PTPRK: variants seen among roughly 807,000 people sequenced by gnomAD.
PTPRK encodes receptor-type tyrosine-protein phosphatase kappa.
PTPRK carries 75 observed loss-of-function variants against 178.0 expected under a neutral mutation model. That is an observed-to-expected ratio of 0.42 (90% CI 0.35 to 0.51). PTPRK has a LOEUF of 0.51. PTPRK is among the 20% of genes least tolerant of loss of function. PTPRK has a pLI of 0.02. For synonymous variants in PTPRK, 637 were observed against 620.6 expected, an observed-to-expected ratio of 1.03 and a Z score of -0.39; for missense variants, 1,441 against 1,797.8, an observed-to-expected ratio of 0.80 and a Z score of 3.59.
chr6:128,210,780 T>C lies in PTPRK; in HGVS notation c.868+8142A>G, dbSNP rs527268177. ...TGAGAGTAGCCATGGTATCTCCATATGTATAAAAAAGACTAATGAAAATCC... is the reference window on the plus strand; with the variant it reads ...TGAGAGTAGCCATGGTATCTCCATACGTATAAAAAAGACTAATGAAAATCC... On this transcript the variant is annotated intron_variant, in intron 6 of 29. Transcript: ENST00000368226. 9.9e-5 allele frequency among the ~76,000 whole-genome samples: 15 copies of C among 152,172 alleles called. No individual in the cohort carries two copies. The East Asian group carries it at 1.9e-3, about 20-fold the overall frequency.
intron 2 of PTPRK, among the ~76,000 whole-genome samples, chr6:128,368,051 C>T (rs1343036975): frequency 6.6e-6 from 1 of 152,118 alleles, no homozygotes; most frequent in Non-Finnish European, 1.5e-5. Flanking sequence ...GCACAGATGT[C>T]CTCTCATTCC....
intron 6 of PTPRK, among the ~76,000 whole-genome samples, chr6:128,218,184 A>C (rs1297123179): frequency 2.0e-5 from 3 of 152,210 alleles, no homozygotes; most frequent in Non-Finnish European, 4.4e-5. Context: ...TAGTCTGCCT[A>C]ACATAATTCA....
At chr6:128,356,447 T>G (rs1432786702) in intron 2 of PTPRK, among the ~76,000 whole-genome samples, 1 of 152,210 alleles carries the variant, frequency 6.6e-6, no homozygotes, top group Non-Finnish European at 1.5e-5. Flanking sequence ...AATGAATCTA[T>G]TAGGCATTTT....
intron 4 of PTPRK, 36 bp from the exon 5 acceptor site, chr6:128,240,186 C>A: frequency 6.8e-7 from 1 of 1,468,606 alleles, no homozygotes; most frequent in Non-Finnish European, 9.5e-7. Flanking sequence ...TATTTGTTTT[C>A]ACATGAAGAA....
At chr6:128,008,829 C>T (rs1778728974) in intron 14 of PTPRK, among the ~76,000 whole-genome samples, 1 of 151,018 alleles carries the variant, frequency 6.6e-6, no homozygotes, top group Non-Finnish European at 1.5e-5. Flanking sequence ...TTAATAATAA[C>T]ACTTCAAATA....
At chr6:128,327,348 C>A (rs1829717328) in intron 2 of PTPRK, among the ~76,000 whole-genome samples, 1 of 151,998 alleles carries the variant, frequency 6.6e-6, no homozygotes, top group Non-Finnish European at 1.5e-5. Flanking sequence ...ATTGTCAGTT[C>A]TTATTTAAAA....
At chr6:128,420,621 A>G (rs1843371616) in intron 1 of PTPRK, among the ~76,000 whole-genome samples, 1 of 152,340 alleles carries the variant, frequency 6.6e-6, no homozygotes, top group African/African-American at 2.4e-5. Flanking sequence ...AACAGAAAGT[A>G]CAAGCAAAGT....
chr6:128,414,182 C>A (rs921520410), intron 1 of PTPRK, among the ~76,000 whole-genome samples: 10 of 152,282 alleles, frequency 6.6e-5, no homozygotes, highest in Admixed American at 2.6e-4. Context: ...TTTTCTCCAA[C>A]TCCTAGTATT....
At chr6:128,497,271 A>C (rs1854816397) in intron 1 of PTPRK, among the ~76,000 whole-genome samples, 1 of 152,156 alleles carries the variant, frequency 6.6e-6, no homozygotes, top group African/African-American at 2.4e-5. Context: ...ACTCACTTTT[A>C]AACTATATTT....
intron 1 of PTPRK, among the ~76,000 whole-genome samples, chr6:128,418,568 T>C (rs774842682): frequency 7.9e-5 from 12 of 152,052 alleles, no homozygotes; most frequent in Non-Finnish European, 1.8e-4. Context: ...TGGAACGGTG[T>C]CCTCCCCATA....
intron 8 of PTPRK, among the ~76,000 whole-genome samples, chr6:128,088,008 G>C (rs1298494651): frequency 6.6e-6 from 1 of 152,130 alleles, no homozygotes; most frequent in Non-Finnish European, 1.5e-5. Flanking sequence ...AGACACACCT[G>C]ATCTAAAATT....
At chr6:128,335,724 T>C (rs545702544) in intron 2 of PTPRK, among the ~76,000 whole-genome samples, 20 of 152,032 alleles carry the variant, frequency 1.3e-4, no homozygotes, top group Admixed American at 3.3e-4. Flanking sequence ...ATTTTGAGAC[T>C]GTTGCTTTTG....
At chr6:128,402,696 T>C (rs531939861) in intron 1 of PTPRK, among the ~76,000 whole-genome samples, 1 of 152,312 alleles carries the variant, frequency 6.6e-6, no homozygotes, top group South Asian at 2.1e-4. Context: ...AATATTTAGG[T>C]ACTTTATACC....
intron 13 of PTPRK, among the ~76,000 whole-genome samples, chr6:128,041,904 T>C (rs1478427914): frequency 6.6e-6 from 1 of 151,926 alleles, no homozygotes; most frequent in Non-Finnish European, 1.5e-5. Context: ...ATATATAATA[T>C]ACATTTGTGT....
rs1392055109 is a variant in PTPRK, at chr6:128,298,249, C to A, written c.495+23790G>T. On this transcript the variant is annotated intron_variant, in intron 3 of 29. Transcript: ENST00000368226. ...GTGGCAATAATCAATAGCTTACCAA[C>A]CAAAAAGAGTCCAGGACCAGATGGA... Among the ~76,000 whole-genome samples the A allele has an allele frequency of 1.5e-4, 23 of 152,124 alleles. No individual in the cohort carries two copies. In the East Asian group the frequency reaches 4.3e-3, roughly 28 times the overall value.
intron 2 of PTPRK, among the ~76,000 whole-genome samples, chr6:128,362,210 G>A (rs1380196840): frequency 6.6e-6 from 1 of 152,092 alleles, no homozygotes; most frequent in Non-Finnish European, 1.5e-5. Flanking sequence ...AAGGGGAAGC[G>A]GGCATTTTAC....
intron 1 of PTPRK, among the ~76,000 whole-genome samples, chr6:128,517,841 T>C (rs1312669378): frequency 6.6e-6 from 1 of 152,206 alleles, no homozygotes; most frequent in Non-Finnish European, 1.5e-5. Context: ...GAATTTGTCT[T>C]GGACTTTTAA....
chr6:128,113,589 G>A (rs980291253), intron 7 of PTPRK, among the ~76,000 whole-genome samples: 2 of 151,912 alleles, frequency 1.3e-5, no homozygotes, highest in African/African-American at 2.4e-5. Context: ...GTATATAGGA[G>A]GATATGCTCA....
At chr6:128,435,105 G>C (rs1471817286) in intron 1 of PTPRK, among the ~76,000 whole-genome samples, 1 of 75,372 alleles carries the variant, frequency 1.3e-5, no homozygotes, top group East Asian at 4.6e-4. Flanking sequence ...AGGAAGGAAG[G>C]AAGGCAGGAA....
Sources: gnomAD v4.1 joint callset for allele counts (sites outside exome capture counted in the v4.1 genomes callset) on GRCh38, gnomAD v4.1.1 for gene constraint, MANE v1.5 for transcripts, NCBI Gene and HGNC (gene_info 2026-07-23, HGNC 2026-07-21) for gene names.